Variants in ME3 observed in about 807,000 individuals in gnomAD.
ME3 encodes the protein malic enzyme 3.
In ME3, 48 loss-of-function variants were observed where a neutral mutation model predicts 68.9. The observed-to-expected ratio is 0.70, with a 90% CI of 0.55 to 0.89. ME3 has a LOEUF of 0.89. Among genes scored for constraint, ME3 ranks in the 40% least tolerant of loss-of-function variants. ME3 has a pLI of 0.00. For synonymous variants in ME3, 320 were observed against 318.8 expected (o/e 1.00, Z -0.04); for missense variants, 675 against 797.4 (o/e 0.85, Z 1.85).
intron 5 of ME3, among the ~76,000 whole-genome samples, chr11:86,502,237 C>T (rs1952773873): frequency 6.6e-6 from 1 of 152,216 alleles, no homozygotes; most frequent in African/African-American, 2.4e-5. Context: ...GTTCAAAAAG[C>T]ATTTCCCTCC....
intron 6 of ME3, among the ~76,000 whole-genome samples, chr11:86,495,580 T>C (rs1260429361): frequency 2.0e-5 from 3 of 152,232 alleles, no homozygotes; most frequent in Non-Finnish European, 4.4e-5. Flanking sequence ...AAACAAAGTT[T>C]GCTGCGCTCA....
Position 86,497,263 on chromosome 11 carries a change from G to A in ME3, c.705+700C>T, listed in dbSNP as rs540529028. On this transcript the variant is annotated intron_variant, in intron 6 of 14. Coordinates refer to ENST00000543262, the Ensembl canonical transcript of ME3. Reference sequence around the variant, plus strand: ...GCCTCCCAAAGTGCTGGGAACACAGGCGTGAGTGACTGTGCCCGGCCTCAA... The same window carrying A: ...GCCTCCCAAAGTGCTGGGAACACAGACGTGAGTGACTGTGCCCGGCCTCAA... 2.8e-4 allele frequency among the ~76,000 whole-genome samples: 43 copies of A among 152,310 alleles called. No individual in the cohort carries two copies. In the South Asian group the frequency reaches 7.7e-3, roughly 27 times the overall value.
At chr11:86,569,385 T>C (rs1213977670) in intron 2 of ME3, among the ~76,000 whole-genome samples, 17 of 152,104 alleles carry the variant, frequency 1.1e-4, no homozygotes, top group Admixed American at 1.1e-3. Flanking sequence ...CTCTGACCCC[T>C]TCCTCCTCCC....
At chr11:86,498,751 G>A (rs1482547670) in intron 5 of ME3, among the ~76,000 whole-genome samples, 1 of 152,118 alleles carries the variant, frequency 6.6e-6, no homozygotes, top group Non-Finnish European at 1.5e-5. Flanking sequence ...CTACTTCAAG[G>A]CTTACCTACT....
intron 2 of ME3, among the ~76,000 whole-genome samples, chr11:86,576,432 C>T (rs1196303763): frequency 6.6e-6 from 1 of 152,182 alleles, no homozygotes; most frequent in African/African-American, 2.4e-5. Context: ...CCAGCCTCTC[C>T]TGTCCATTCT....
chr11:86,506,794 C>T (rs922669093), intron 5 of ME3, among the ~76,000 whole-genome samples: 7 of 152,202 alleles, frequency 4.6e-5, no homozygotes, highest in Non-Finnish European at 4.4e-5. Context: ...AAAGAGATAA[C>T]TTTACAGGAC....
At chr11:86,487,551 G>T (rs946718650) in intron 6 of ME3, 111 bp from the exon 7 acceptor site, 9 of 825,366 alleles carry the variant, frequency 1.1e-5, no homozygotes, top group South Asian at 6.4e-5. Flanking sequence ...GAGGAGAGGG[G>T]GGAGTAAGAA....
At position 86,456,756 on chromosome 11, in the gene ME3, A is replaced by G. The variant is rs117316783; in HGVS notation, c.920-6358T>C. Among the ~76,000 whole-genome samples the G allele has an allele frequency of 5.4e-3, 823 of 152,270 alleles. 2 individuals are homozygous for G. The highest frequency in any genetic ancestry group is 8.6e-3 in the Non-Finnish European group (585 of 68,016). ...CAGAACAATGGGAAATCTGATGGGA[A>G]AGAGTCACACATTACAATAAAAGGA... On this transcript the variant is annotated intron_variant, in intron 8 of 14. Transcript: ENST00000543262.
chr11:86,647,353 C>T (rs550085946), intron 2 of ME3, among the ~76,000 whole-genome samples: 17 of 152,096 alleles, frequency 1.1e-4, no homozygotes, highest in East Asian at 7.7e-4. Flanking sequence ...GGTGTGGTGG[C>T]GGGCACCTGT....
intron 2 of ME3, among the ~76,000 whole-genome samples, chr11:86,666,139 G>A (rs1401962724): frequency 1.3e-5 from 2 of 152,134 alleles, no homozygotes; most frequent in African/African-American, 4.8e-5. Flanking sequence ...ATACATGGGT[G>A]CCCAGCCAAA....
chr11:86,541,542 T>C (rs1956050221), intron 4 of ME3, among the ~76,000 whole-genome samples: 1 of 152,224 alleles, frequency 6.6e-6, no homozygotes, highest in Non-Finnish European at 1.5e-5. Context: ...AAGTTCAGAC[T>C]GGGTGGAGAC....
intron 2 of ME3, among the ~76,000 whole-genome samples, chr11:86,647,663 G>T (rs1032023691): frequency 6.6e-6 from 1 of 151,976 alleles, no homozygotes; most frequent in Non-Finnish European, 1.5e-5. Context: ...ACAAAGAAGG[G>T]CATTACATAA....
intron 5 of ME3, among the ~76,000 whole-genome samples, chr11:86,498,838 C>T (rs911187587): frequency 2.0e-5 from 3 of 152,216 alleles, no homozygotes; most frequent in Non-Finnish European, 4.4e-5. Flanking sequence ...TTCTTTTATT[C>T]ATTCATTTAA....
At position 86,442,849 on chromosome 11, in the gene ME3, C is replaced by T. The variant is rs372905882; in HGVS notation, c.1625G>A (p.Arg542Gln). 1.0e-4 allele frequency: 162 copies of T among 1,613,120 alleles called. No homozygotes were observed. The highest frequency in any genetic ancestry group is 1.3e-4 in the Non-Finnish European group (158 of 1,179,416). ...GATGGCAATTCTCAAAGACACGTCT[C>T]GGATGGTGCTGAGTGGTGGGTAGAG... Residue 542 changes from arginine (R) to glutamine (Q), a missense_variant, in exon 14 of 15, where the codon CGA becomes CAA. By Grantham distance (43) the Arg-to-Gln change is conservative (BLOSUM62 1). Transcript: ENST00000543262.
intron 6 of ME3, among the ~76,000 whole-genome samples, chr11:86,488,216 T>C (rs1473281769): frequency 6.6e-6 from 1 of 152,164 alleles, no homozygotes; most frequent in Non-Finnish European, 1.5e-5. Context: ...CTTGAGACAT[T>C]GCCAAAGGTC....
At chr11:86,655,360 A>G (rs1192549559) in intron 2 of ME3, among the ~76,000 whole-genome samples, 4 of 152,216 alleles carry the variant, frequency 2.6e-5, no homozygotes, top group Non-Finnish European at 4.4e-5. Flanking sequence ...CTACAAGGCT[A>G]CAGTAACCAA....
At chr11:86,533,448 A>G (rs193032954) in intron 4 of ME3, among the ~76,000 whole-genome samples, 1 of 152,198 alleles carries the variant, frequency 6.6e-6, no homozygotes, top group Non-Finnish European at 1.5e-5. Flanking sequence ...AATCATGAAG[A>G]AATAGAAAAT....
chr11:86,640,353 A>G (rs1565254323), intron 2 of ME3, among the ~76,000 whole-genome samples: 1 of 152,218 alleles, frequency 6.6e-6, no homozygotes, highest in Non-Finnish European at 1.5e-5. Context: ...GCAGCCTCTG[A>G]CTTTTATTTC....
chr11:86,482,020 T>A (rs1044662204), intron 7 of ME3, among the ~76,000 whole-genome samples: 7 of 152,196 alleles, frequency 4.6e-5, no homozygotes, highest in Non-Finnish European at 1.0e-4. Context: ...AATATCCTAG[T>A]CTAGTCCTAA....
Sources: gnomAD v4.1 joint callset for allele counts (sites outside exome capture counted in the v4.1 genomes callset) on GRCh38, gnomAD v4.1.1 for gene constraint, MANE v1.5 for transcripts, NCBI Gene and HGNC (gene_info 2026-07-23, HGNC 2026-07-21) for gene names.